KCNJ15: variants seen among roughly 807,000 people sequenced by gnomAD.
KCNJ15 encodes the protein potassium inwardly rectifying channel subfamily J member 15.
In KCNJ15, 14 loss-of-function variants were observed where a neutral mutation model predicts 23.0. The observed-to-expected ratio is 0.61, with a 90% CI of 0.40 to 0.95. KCNJ15 has a LOEUF of 0.95. Ranked by LOEUF, KCNJ15 falls within the 40% of genes least tolerant of loss-of-function variation. The pLI, the probability that KCNJ15 is intolerant of heterozygous loss-of-function variation, is 0.00. For missense variants in KCNJ15, 388 were observed against 461.8 expected, an observed-to-expected ratio of 0.84 and a Z score of 1.46; for synonymous variants, 185 against 183.2, an observed-to-expected ratio of 1.01 and a Z score of -0.08.
At chr21:38,232,747 T>G (rs990368981) in intron 1 of KCNJ15, among the ~76,000 whole-genome samples, 3 of 151,904 alleles carry the variant, frequency 2.0e-5, no homozygotes, top group Non-Finnish European at 4.4e-5. Context: ...TTCCAAATAT[T>G]TATACATTTT....
chr21:38,242,742 A>G (rs945803012), intron 1 of KCNJ15, among the ~76,000 whole-genome samples: 3 of 152,032 alleles, frequency 2.0e-5, no homozygotes, highest in African/African-American at 4.8e-5. Flanking sequence ...CATCAGGGAC[A>G]CCTTCCCCTC....
At position 38,301,097 on chromosome 21, in the gene KCNJ15, T is replaced by C. The variant is rs1481208549; in HGVS notation, c.*708T>C. The C allele has an allele frequency of 6.0e-6, 1 of 166,814 alleles. No homozygotes were observed. Among genetic ancestry groups the C allele is most frequent in the Non-Finnish European group, 1.5e-5 (1 of 68,116 alleles). The allele number at this position is 166,814 out of a possible 1,614,324, so 10.3% of individuals were successfully genotyped here. The stretch of plus-strand genomic sequence containing the variant: ...CCACTATCTCTTTCCATTCAAAATA[T>C]TTCCATTCAAAATGTGGTTCACAGA... On this transcript the variant is annotated 3_prime_UTR_variant, in exon 3 of 3. Transcript: ENST00000398938.
chr21:38,267,432 G>A (rs1275154621), intron 1 of KCNJ15: 1 of 152,120 alleles, frequency 6.6e-6, no homozygotes, highest in Non-Finnish European at 1.5e-5. Context: ...TAATAAAGGA[G>A]GATGAGCACA....
chr21:38,262,904 G>A (rs916159412), intron 1 of KCNJ15, among the ~76,000 whole-genome samples: 31 of 152,116 alleles, frequency 2.0e-4, no homozygotes, highest in African/African-American at 6.7e-4. Context: ...TCTTGAACTC[G>A]TGACCTCAGG....
intron 1 of KCNJ15, among the ~76,000 whole-genome samples, chr21:38,295,545 C>T (rs199671139): frequency 2.0e-5 from 3 of 146,740 alleles, no homozygotes; most frequent in South Asian, 2.1e-4. Flanking sequence ...TGGCAAGCTG[C>T]ACTTTTTTTT....
At chr21:38,290,310 G>C (rs17193642) in intron 1 of KCNJ15, among the ~76,000 whole-genome samples, 3,493 of 151,968 alleles carry the variant, frequency 0.023, 90 homozygotes, top group African/African-American at 0.061. Context: ...TTCGCATCGA[G>C]GAGTAAAGGG....
chr21:38,273,891 G>C (rs1982364275), intron 1 of KCNJ15, among the ~76,000 whole-genome samples: 1 of 152,198 alleles, frequency 6.6e-6, no homozygotes, highest in Non-Finnish European at 1.5e-5. Context: ...TTGATAGCTA[G>C]CAATACTAAA....
chr21:38,265,052 T>C (rs1457230600), intron 1 of KCNJ15, among the ~76,000 whole-genome samples: 1 of 152,134 alleles, frequency 6.6e-6, no homozygotes, highest in African/African-American at 2.4e-5. Flanking sequence ...AAAGGGGTGA[T>C]TTGATCCATG....
chr21:38,281,646 C>CA (rs2123680491), intron 1 of KCNJ15, among the ~76,000 whole-genome samples: 1 of 152,246 alleles, frequency 6.6e-6, no homozygotes. Flanking sequence ...TATATTTGTA[C>CA]AAAATTTTCT....
intron 1 of KCNJ15, among the ~76,000 whole-genome samples, chr21:38,271,659 T>C (rs1667324683): frequency 6.6e-6 from 1 of 152,226 alleles, no homozygotes; most frequent in African/African-American, 2.4e-5. Context: ...AGTATTCTTC[T>C]CAATGGAAGG....
At chr21:38,284,751 A>G (rs1251401619) in intron 1 of KCNJ15, among the ~76,000 whole-genome samples, 7 of 152,102 alleles carry the variant, frequency 4.6e-5, no homozygotes. Flanking sequence ...CCTTGCTCCT[A>G]CCTGACACTG....
rs1367428526 is a variant in KCNJ15, at chr21:38,249,843, C to CTT, written c.-398-7203_-398-7202insTT. Among the ~76,000 whole-genome samples, 5 of 152,318 alleles carry CTT rather than the reference C, an allele frequency of 3.3e-5. 1 individual carries two copies. Among genetic ancestry groups the CTT allele is most frequent in the African/African-American group, 1.2e-4 (5 of 41,576 alleles). On this transcript the variant is annotated intron_variant, in intron 1 of 4. Transcript: ENST00000547341. ...CGTGCACATTTGATAAGCTGAAGTG[C>CTT]AATGATAGAATAAGATGATCTTGGA...
At chr21:38,253,949 G>C (rs761830945), upstream of KCNJ15, among the ~76,000 whole-genome samples, 1 of 152,138 alleles carries the variant, frequency 6.6e-6, no homozygotes, top group East Asian at 1.9e-4. Context: ...TCGGCTAAAA[G>C]GTCAGTAAAA....
chr21:38,248,100 G>A (rs935736654), intron 1 of KCNJ15, among the ~76,000 whole-genome samples: 8 of 152,144 alleles, frequency 5.3e-5, no homozygotes, highest in African/African-American at 1.9e-4. Context: ...CACATCACAA[G>A]GAACAGCAAA....
At position 38,300,373 on chromosome 21, in the gene KCNJ15, A is replaced by C; in HGVS notation, c.1112A>C (p.Gln371Pro). The change falls in exon 3 of 3, where the codon CAA becomes CCA. Residue 371 changes from glutamine (Q) to proline (P), a missense_variant. Transcript: ENST00000398938. Reference sequence around the variant, plus strand: ...AGAGAACTGAGGACACTTTTATTACAACAGAGCAATGTCTGATCACAGGGG... The same window carrying C: ...AGAGAACTGAGGACACTTTTATTACCACAGAGCAATGTCTGATCACAGGGG... Reference protein sequence around the residue: ...RERELRTLLLQQSNV With the variant: ...RERELRTLLLPQSNV The C allele has an allele frequency of 6.2e-7, 1 of 1,609,992 alleles. No homozygotes were observed. The highest frequency in any genetic ancestry group is 8.5e-7 in the Non-Finnish European group (1 of 1,177,362).
rs912257640 is a variant in KCNJ15 at position 38,306,900 on chromosome 21, T to C, written c.*6511T>C. 6.6e-6 allele frequency: 1 copy of C among 152,242 alleles called. No homozygotes were observed. The highest frequency in any genetic ancestry group is 1.5e-5 in the Non-Finnish European group (1 of 68,046). The allele number at this position is 152,242 out of a possible 1,614,324, so 9.4% of individuals were successfully genotyped here. ...GAAATCCCAAATGACATGTAGATTTTATATGCAAACAATCCCACTGCTTGT... is the reference window on the plus strand; with the variant it reads ...GAAATCCCAAATGACATGTAGATTTCATATGCAAACAATCCCACTGCTTGT... On this transcript the variant is annotated 3_prime_UTR_variant, in exon 3 of 3. Transcript: ENST00000398938.
chr21:38,285,137 C>T (rs1983751067), intron 1 of KCNJ15, among the ~76,000 whole-genome samples: 1 of 152,194 alleles, frequency 6.6e-6, no homozygotes, highest in Non-Finnish European at 1.5e-5. Flanking sequence ...TGCGTTTCTA[C>T]ACACGTTGCC....
chr21:38,304,154 G>A lies in KCNJ15; in HGVS notation c.*3765G>A, dbSNP rs987538502. The stretch of plus-strand genomic sequence containing the variant: ...TAGGGTACATGTGCACAACGTGCAG[G>A]TTTGTTACATATGTATACATGTGCC... On this transcript the variant is annotated 3_prime_UTR_variant, in exon 3 of 3. Transcript: ENST00000398938. 1.3e-5 allele frequency: 2 copies of A among 150,784 alleles called. No individual in the cohort carries two copies. Among genetic ancestry groups the A allele is most frequent in the African/African-American group, 2.4e-5 (1 of 40,898 alleles). 9.3% of individuals were successfully genotyped at this position (150,784 alleles called of 1,614,324 possible). A position where few individuals can be genotyped will look rare whatever the true frequency, so the allele number is the denominator to read the frequency against.
At position 38,240,452 on chromosome 21, in the gene KCNJ15, C is replaced by T. The variant is rs563344581; in HGVS notation, c.-398-16594C>T. Among the ~76,000 whole-genome samples the T allele has an allele frequency of 5.3e-5, 8 of 152,244 alleles. No individual in the cohort carries two copies. In the East Asian group the frequency reaches 9.6e-4, roughly 18 times the overall value. ...TTAGCAAGGAAGTTTTTCTTCAGTT[C>T]AAGTATTAATACATGGTCTGGGCTT... is the stretch of plus-strand genomic sequence containing the variant. On this transcript the variant is annotated intron_variant, in intron 1 of 4. Transcript: ENST00000547341.
Sources: gnomAD v4.1 joint callset for allele counts (sites outside exome capture counted in the v4.1 genomes callset) on GRCh38, gnomAD v4.1.1 for gene constraint, MANE v1.5 for transcripts, NCBI Gene and HGNC (gene_info 2026-07-23, HGNC 2026-07-21) for gene names.